The following MESD variants were observed in gnomAD, a reference collection of about 807,000 sequenced individuals.
The protein encoded by MESD is mesoderm development LRP chaperone, also known as LRP chaperone MESD.
MESD carries 7 observed loss-of-function variants against 12.9 expected under a neutral mutation model. The ratio of observed to expected loss-of-function variants is 0.54; its 90% CI spans 0.31 to 1.02. MESD has a LOEUF of 1.02. Ranked by LOEUF, MESD falls within the 50% of genes least tolerant of loss-of-function variation. The probability of loss-of-function intolerance (pLI) is 0.05; values close to 1 mark genes in which losing one functional copy is unlikely to be tolerated. For synonymous variants in MESD, 126 were observed against 115.6 expected (o/e 1.09, Z -0.58); for missense variants, 342 against 296.7 (o/e 1.15, Z -1.12).
At chr15:80,980,066 G>A (rs1328338403) in intron 2 of MESD, among the ~76,000 whole-genome samples, 1 of 152,198 alleles carries the variant, frequency 6.6e-6, no homozygotes, top group African/African-American at 2.4e-5. Context: ...GGCCTGGGTG[G>A]AGCCCTAGTG....
chr15:80,973,962 A>G (rs1368353724), downstream of MESD, among the ~76,000 whole-genome samples: 1 of 152,110 alleles, frequency 6.6e-6, no homozygotes, highest in East Asian at 1.9e-4. Flanking sequence ...AGCAAAGAAC[A>G]TCCCAGCCTT....
intron 3 of MESD, among the ~76,000 whole-genome samples, chr15:80,961,300 G>GA (rs148776500): frequency 0.077 from 11,522 of 149,428 alleles, 647 homozygotes; most frequent in Middle Eastern, 0.18. Context: ...GAAAAGAAAA[G>GA]AAAGAAAAAC....
chr15:80,988,187 G>A (rs746677047), intron 1 of MESD, among the ~76,000 whole-genome samples: 2 of 152,216 alleles, frequency 1.3e-5, no homozygotes, highest in Non-Finnish European at 2.9e-5. Flanking sequence ...CTAGCTTGCT[G>A]TGCGATGTGG....
chr15:80,980,968 C>T (rs141584362), intron 2 of MESD, among the ~76,000 whole-genome samples: 428 of 151,856 alleles, frequency 2.8e-3, no homozygotes, highest in Middle Eastern at 6.8e-3. Context: ...GGATTACAGG[C>T]GTGCATCACC....
At chr15:80,959,635 C>G (rs1329833169) in intron 3 of MESD, among the ~76,000 whole-genome samples, 3 of 152,144 alleles carry the variant, frequency 2.0e-5, no homozygotes, top group Non-Finnish European at 4.4e-5. Context: ...ACTTACGAAC[C>G]CTCTTTCTAC....
In MESD at chr15:80,976,669, C is replaced by T. The variant is rs1902426005; in HGVS notation, c.*2550G>A. 1 of 152,184 alleles carries T rather than the reference C, an allele frequency of 6.6e-6. No homozygotes were observed. Among genetic ancestry groups the T allele is most frequent in the African/African-American group, 2.4e-5 (1 of 41,414 alleles). 9.4% of individuals were successfully genotyped at this position (152,184 alleles called of 1,614,324 possible). On this transcript the variant is annotated 3_prime_UTR_variant, in exon 3 of 3. Coordinates refer to ENST00000261758, the MANE Select transcript of MESD (RefSeq NM_015154.3). ...CTTGGGAGGGCAATTTGGCAATACA[C>T]ACCAAAATGTTAAATTCCGTTTGCT...
intron 1 of MESD, among the ~76,000 whole-genome samples, chr15:80,989,073 T>A (rs745364781): frequency 6.6e-6 from 1 of 152,106 alleles, no homozygotes; most frequent in Non-Finnish European, 1.5e-5. Flanking sequence ...CAGGGACATA[T>A]ACCAAAATAG....
At chr15:80,964,674 C>T (rs2141793778) in intron 3 of MESD, among the ~76,000 whole-genome samples, 1 of 152,264 alleles carries the variant, frequency 6.6e-6, no homozygotes, top group African/African-American at 2.4e-5. Context: ...CATCTACAAC[C>T]ATCTGATCTT....
chr15:80,979,161 C>G lies in MESD; in HGVS notation c.*58G>C. On this transcript the variant is annotated 3_prime_UTR_variant, in exon 3 of 3. Coordinates refer to ENST00000261758, the MANE Select transcript of MESD (RefSeq NM_015154.3). Reference sequence around the variant, plus strand: ...CCTGAGACCACTCCCACCCCAGGAGCTGGGCAAAGAGCTCTCCACGTCCAC... The same window carrying G: ...CCTGAGACCACTCCCACCCCAGGAGGTGGGCAAAGAGCTCTCCACGTCCAC... The G allele has an allele frequency of 1.3e-6, 2 of 1,564,578 alleles. No individual in the cohort carries two copies. Among genetic ancestry groups the G allele is most frequent in the Non-Finnish European group, 1.7e-6 (2 of 1,156,350 alleles).
Position 80,980,952 on chromosome 15 carries a change from T to C in MESD, c.446+998A>G, listed in dbSNP as rs558175871. Reference sequence around the variant, plus strand: ...GATTCTCCTGCCTCAGCCTCTGGAGTAGCTGGGATTACAGGCGTGCATCAC... The same window carrying C: ...GATTCTCCTGCCTCAGCCTCTGGAGCAGCTGGGATTACAGGCGTGCATCAC... On this transcript the variant is annotated intron_variant, in intron 2 of 2. Transcript: ENST00000261758. Among the ~76,000 whole-genome samples the C allele has an allele frequency of 1.5e-3, 220 of 151,396 alleles. 4 individuals are homozygous for C. Among genetic ancestry groups the C allele is most frequent in the Middle Eastern group, 0.014 (4 of 290 alleles).
chr15:80,989,811 G>C lies in MESD; in HGVS notation c.-20C>G. 1.3e-6 allele frequency: 2 copies of C among 1,546,090 alleles called. No individual in the cohort carries two copies. The highest frequency in any genetic ancestry group is 1.7e-6 in the Non-Finnish European group (2 of 1,151,960). ...CGCCATTTTCGCTGCGCCGCGCAGC[G>C]CCCTAGACGCGCTTACCCGACCTGC... On this transcript the variant is annotated 5_prime_UTR_variant, in exon 1 of 3. Transcript: ENST00000261758.
chr15:80,949,189 C>T (rs1901708573), intron 4 of MESD: 1 of 503,626 alleles, frequency 2.0e-6, no homozygotes, highest in African/African-American at 1.9e-5. Flanking sequence ...GTGCTTCTCT[C>T]CTATCTGTGC....
At chr15:80,966,440 G>C (rs1902176603) in intron 3 of MESD, among the ~76,000 whole-genome samples, 1 of 152,168 alleles carries the variant, frequency 6.6e-6, no homozygotes, top group South Asian at 2.1e-4. Flanking sequence ...CTCATTTGCA[G>C]AGCCAGTGGC....
intron 3 of MESD, among the ~76,000 whole-genome samples, chr15:80,955,487 C>CAAAAAAAAA (rs1169755665): frequency 8.8e-5 from 4 of 45,628 alleles, no homozygotes; most frequent in African/African-American, 9.0e-5. Context: ...GACTCCGTCT[C>CAAAAAAAAA]AAAAAAAAAA....
At chr15:80,948,276 G>A (rs1367501468) in exon 5 of MESD, 1 of 205,930 alleles carries the variant, frequency 4.9e-6, no homozygotes, top group Admixed American at 5.2e-5. Context: ...GTGGGTTTCA[G>A]GGGTTTAGAG....
chr15:80,949,694 G>A (rs937765066), intron 4 of MESD: 1 of 154,342 alleles, frequency 6.5e-6, no homozygotes, highest in Non-Finnish European at 1.4e-5. Flanking sequence ...AGCTTGAGGG[G>A]TCTGCAGTCC....
At position 80,967,493 on chromosome 15, in the gene MESD, C is replaced by T. The variant is rs192550361; in HGVS notation, c.*288+11438G>A. ...AAATCCCAGGCCTGGCAGGACTTGC[C>T]ACCCTGTTTATAGAAGAGGTAAGGC... On this transcript the variant is annotated intron_variant, in intron 3 of 4. Coordinates refer to the MESD transcript ENST00000561312. Among the ~76,000 whole-genome samples the T allele has an allele frequency of 6.6e-5, 10 of 152,246 alleles. No individual in the cohort carries two copies. In the East Asian group the frequency reaches 1.7e-3, roughly 26 times the overall value.
At chr15:80,980,842 C>T (rs933730733) in intron 2 of MESD, among the ~76,000 whole-genome samples, 19 of 150,142 alleles carry the variant, frequency 1.3e-4, no homozygotes, top group Non-Finnish European at 2.4e-4. Context: ...TTTTCTTCCC[C>T]GAGATGGAGT....
At chr15:80,981,341 G>A (rs1026766860) in intron 2 of MESD, among the ~76,000 whole-genome samples, 3 of 150,842 alleles carry the variant, frequency 2.0e-5, no homozygotes, top group African/African-American at 7.3e-5. Context: ...GGAGGCTGAG[G>A]CAGGAGAATG....
Sources: gnomAD v4.1 joint callset for allele counts (sites outside exome capture counted in the v4.1 genomes callset) on GRCh38, gnomAD v4.1.1 for gene constraint, MANE v1.5 for transcripts, NCBI Gene and HGNC (gene_info 2026-07-23, HGNC 2026-07-21) for gene names.